C14orf39: variants seen among roughly 807,000 people sequenced by gnomAD.
C14orf39 encodes protein SIX6OS1.
A neutral mutation model predicts 85.6 loss-of-function variants in C14orf39; 66 were observed. That is an observed-to-expected ratio of 0.77 (90% CI 0.63 to 0.95). C14orf39 has a LOEUF of 0.95. C14orf39 is among the 40% of genes least tolerant of loss of function. The pLI, the probability that C14orf39 is intolerant of heterozygous loss-of-function variation, is 0.00. For missense variants in C14orf39, 735 were observed against 663.9 expected (o/e 1.11, Z -1.18); for synonymous variants, 242 against 214.0 (o/e 1.13, Z -1.14).
chr14:60,504,266 T>C (rs765935311), intron 1 of C14orf39, among the ~76,000 whole-genome samples: 2 of 152,232 alleles, frequency 1.3e-5, no homozygotes, highest in Non-Finnish European at 2.9e-5. Flanking sequence ...TTTAAGGTAT[T>C]TGTTGAAGGC....
At chr14:60,509,735 T>G (rs1877782815) in intron 1 of C14orf39, 1 of 1,613,662 alleles carries the variant, frequency 6.2e-7, no homozygotes, top group African/African-American at 1.3e-5. Context: ...TGTGGACAAG[T>G]ACCGAGTAAG....
rs1172462072 is a variant in C14orf39 at position 60,463,292 on chromosome 14, G to T, written c.973-1699C>A. 4.6e-5 allele frequency among the ~76,000 whole-genome samples: 7 copies of T among 151,890 alleles called. No homozygotes were observed. The East Asian group carries it at 1.4e-3, about 29-fold the overall frequency. On this transcript the variant is annotated intron_variant, in intron 11 of 17. Transcript: ENST00000321731. ...ATTTTTATTATCTCTTTATTAATTT[G>T]TAAGAGTTACTATGTACTTCTTTAT...
At chr14:60,473,733 C>G (rs945467715) in intron 5 of C14orf39, among the ~76,000 whole-genome samples, 4 of 151,960 alleles carry the variant, frequency 2.6e-5, no homozygotes, top group African/African-American at 4.8e-5. Flanking sequence ...CATTATTTCT[C>G]AGGGCTCTGT....
intron 17 of C14orf39, among the ~76,000 whole-genome samples, chr14:60,441,170 T>C (rs1890493398): frequency 6.6e-6 from 1 of 152,176 alleles, no homozygotes; most frequent in Admixed American, 6.5e-5. Context: ...TAGTCTGCTG[T>C]GTGAGACTGC....
At chr14:60,492,642 G>A (rs1893008178) in intron 2 of C14orf39, among the ~76,000 whole-genome samples, 1 of 151,884 alleles carries the variant, frequency 6.6e-6, no homozygotes, top group African/African-American at 2.4e-5. Flanking sequence ...AATTAGCTGT[G>A]TGTGCTGGTA....
At chr14:60,466,432 T>C (rs962902200) in intron 10 of C14orf39, among the ~76,000 whole-genome samples, 7 of 150,850 alleles carry the variant, frequency 4.6e-5, no homozygotes, top group Non-Finnish European at 1.0e-4. Context: ...CATTATGTAA[T>C]GGTAAATGCC....
chr14:60,446,524 G>C lies in C14orf39; in HGVS notation c.1504-4393C>G, dbSNP rs568011651. 2.6e-5 allele frequency among the ~76,000 whole-genome samples: 4 copies of C among 152,012 alleles called. No homozygotes were observed. The South Asian group carries it at 8.3e-4, about 32-fold the overall frequency. ...GAAGAAGTTGAATCTCTGAATAGAC[G>C]AATGACAGATTCTGAAATTGAGGCA... On this transcript the variant is annotated intron_variant, in intron 16 of 17. Coordinates refer to ENST00000321731, the MANE Select transcript of C14orf39 (RefSeq NM_174978.3).
In C14orf39 at chr14:60,480,750, A is replaced by G. The variant is rs576776745; in HGVS notation, c.234-2361T>C. 5.3e-4 allele frequency among the ~76,000 whole-genome samples: 69 copies of G among 130,686 alleles called. 2 individuals are homozygous for G. In the South Asian group the frequency reaches 0.017, roughly 33 times the overall value. 85.7% of individuals were successfully genotyped at this position (130,686 alleles called of 152,430 possible). A position where few individuals can be genotyped will look rare whatever the true frequency, so the allele number is the denominator to read the frequency against. On this transcript the variant is annotated intron_variant, in intron 4 of 17. Transcript: ENST00000321731. ...GATAATGAAAGTGTGGCATAGATAC[A>G]CTATGAAATACTATACAGCCTGAAA...
intron 16 of C14orf39, among the ~76,000 whole-genome samples, chr14:60,445,959 ACTACTGG>A (rs959620771): frequency 1.3e-5 from 2 of 152,214 alleles, no homozygotes; most frequent in African/African-American, 4.8e-5. Context: ...CTCCTGAATG[ACTACTGG>A]ATAAATAACA....
At chr14:60,451,157 C>CA (rs1891015066) in intron 16 of C14orf39, among the ~76,000 whole-genome samples, 1 of 151,996 alleles carries the variant, frequency 6.6e-6, no homozygotes, top group African/African-American at 2.4e-5. Context: ...TAACACCAGT[C>CA]AGAAAGGCAA....
chr14:60,478,036 G>A (rs887744165), intron 5 of C14orf39, among the ~76,000 whole-genome samples: 2 of 151,788 alleles, frequency 1.3e-5, no homozygotes, highest in South Asian at 4.2e-4. Context: ...AAAATTAGCC[G>A]GGTGCGGTGG....
At chr14:60,468,601 T>C in intron 8 of C14orf39, 65 bp from the exon 9 acceptor site, 1 of 877,856 alleles carries the variant, frequency 1.1e-6, no homozygotes, top group East Asian at 2.7e-5. Flanking sequence ...AAAGATATGC[T>C]TTATCTTATG....
At chr14:60,473,119 T>C (rs954687480) in intron 5 of C14orf39, among the ~76,000 whole-genome samples, 13 of 152,236 alleles carry the variant, frequency 8.5e-5, no homozygotes, top group African/African-American at 3.1e-4. Flanking sequence ...AGATGGTATC[T>C]CATTGTAATT....
chr14:60,438,560 G>C (rs911788897), intron 17 of C14orf39, among the ~76,000 whole-genome samples: 2 of 152,062 alleles, frequency 1.3e-5, no homozygotes, highest in Non-Finnish European at 2.9e-5. Flanking sequence ...GTGCTATGGG[G>C]AATTCAAAGG....
At chr14:60,472,844 G>C (rs994330235) in intron 5 of C14orf39, among the ~76,000 whole-genome samples, 4 of 152,100 alleles carry the variant, frequency 2.6e-5, no homozygotes, top group African/African-American at 9.7e-5. Context: ...TTGCTATTGT[G>C]AATAGTGCCG....
intron 17 of C14orf39, among the ~76,000 whole-genome samples, chr14:60,438,082 G>A (rs1890342730): frequency 6.6e-6 from 1 of 151,476 alleles, no homozygotes; most frequent in Admixed American, 6.6e-5. Context: ...TTTTTATATA[G>A]AATTAATCAA....
intron 1 of C14orf39, chr14:60,511,130 G>A: frequency 6.2e-7 from 1 of 1,612,858 alleles, no homozygotes; most frequent in Non-Finnish European, 8.5e-7. Flanking sequence ...GGCACTACGG[G>A]CGGAGGGCGA....
At chr14:60,505,149 GT>G (rs1459962626) in intron 1 of C14orf39, among the ~76,000 whole-genome samples, 2 of 152,156 alleles carry the variant, frequency 1.3e-5, no homozygotes, top group East Asian at 1.9e-4. Flanking sequence ...AATGGTGTTT[GT>G]TCTCAGAAAT....
intron 1 of C14orf39, among the ~76,000 whole-genome samples, chr14:60,510,852 G>T (rs895897293): frequency 2.0e-5 from 3 of 152,266 alleles, no homozygotes; most frequent in Admixed American, 1.3e-4. Flanking sequence ...GGGAGCTGCG[G>T]CGCTGAGAAA....
Sources: gnomAD v4.1 joint callset for allele counts (sites outside exome capture counted in the v4.1 genomes callset) on GRCh38, gnomAD v4.1.1 for gene constraint, MANE v1.5 for transcripts, NCBI Gene and HGNC (gene_info 2026-07-23, HGNC 2026-07-21) for gene names.